Variants in CDH12 observed in about 807,000 individuals in gnomAD.
CDH12 encodes cadherin-12.
CDH12 carries 41 observed loss-of-function variants against 74.1 expected under a neutral mutation model. That is an observed-to-expected ratio of 0.55 (90% CI 0.43 to 0.72). CDH12 has a LOEUF of 0.72. CDH12 is among the 30% of genes least tolerant of loss of function. The pLI is 0.00. For synonymous variants in CDH12, 399 were observed against 355.0 expected (o/e 1.12, Z -1.39); for missense variants, 945 against 977.2 (o/e 0.97, Z 0.44).
intron 1 of CDH12, among the ~76,000 whole-genome samples, chr5:22,520,988 T>C (rs1031938845): frequency 2.1e-5 from 3 of 144,960 alleles, no homozygotes; most frequent in Non-Finnish European, 4.5e-5. Flanking sequence ...TCTTTCTTTC[T>C]TTCTTTTTTT....
intron 2 of CDH12, among the ~76,000 whole-genome samples, chr5:22,414,548 T>C (rs1429263854): frequency 6.6e-6 from 1 of 151,944 alleles, no homozygotes; most frequent in Admixed American, 6.6e-5. Flanking sequence ...TGGGGTAGGG[T>C]TGAAATGTAA....
At chr5:21,958,619 T>C (rs1405585358) in intron 6 of CDH12, among the ~76,000 whole-genome samples, 1 of 152,140 alleles carries the variant, frequency 6.6e-6, no homozygotes, top group Non-Finnish European at 1.5e-5. Context: ...TGTGGCTTTA[T>C]TTCTGGGTTC....
At chr5:22,776,157 A>G (rs1262161009) in intron 1 of CDH12, among the ~76,000 whole-genome samples, 1 of 152,172 alleles carries the variant, frequency 6.6e-6, no homozygotes, top group Non-Finnish European at 1.5e-5. Context: ...AACGGTCAGC[A>G]TGTACATGGA....
chr5:22,458,076 C>T (rs1745357428), intron 2 of CDH12, among the ~76,000 whole-genome samples: 1 of 151,958 alleles, frequency 6.6e-6, no homozygotes, highest in Non-Finnish European at 1.5e-5. Flanking sequence ...GATGGGGTTT[C>T]ACCATATTGG....
intron 1 of CDH12, among the ~76,000 whole-genome samples, chr5:22,616,251 T>C (rs1202487930): frequency 1.3e-5 from 2 of 152,126 alleles, no homozygotes; most frequent in Admixed American, 6.6e-5. Flanking sequence ...ATGTAATCTG[T>C]AATTCTCAAT....
chr5:22,455,805 C>A (rs1561417492), intron 2 of CDH12, among the ~76,000 whole-genome samples: 2 of 152,038 alleles, frequency 1.3e-5, no homozygotes, highest in Non-Finnish European at 2.9e-5. Context: ...TCTACAGAGA[C>A]AGGAAGAAAG....
intron 3 of CDH12, among the ~76,000 whole-genome samples, chr5:22,304,859 C>T (rs1174853374): frequency 2.0e-5 from 3 of 152,120 alleles, no homozygotes; most frequent in Non-Finnish European, 4.4e-5. Flanking sequence ...AAGAAAATAG[C>T]TTGACATAAG....
At chr5:22,484,882 A>G (rs1042672005) in intron 2 of CDH12, among the ~76,000 whole-genome samples, 23 of 152,132 alleles carry the variant, frequency 1.5e-4, no homozygotes, top group African/African-American at 5.6e-4. Context: ...CAATAACAAC[A>G]TATTATATAT....
At chr5:21,863,720 A>G (rs1751175376) in intron 6 of CDH12, among the ~76,000 whole-genome samples, 1 of 152,162 alleles carries the variant, frequency 6.6e-6, no homozygotes, top group African/African-American at 2.4e-5. Flanking sequence ...TTTAGAGAGT[A>G]CAACCAAAAG....
chr5:22,401,485 T>C (rs2126448470), intron 3 of CDH12, among the ~76,000 whole-genome samples: 1 of 152,320 alleles, frequency 6.6e-6, no homozygotes, highest in Admixed American at 6.5e-5. Flanking sequence ...TTTCATAATA[T>C]TTTGTTACAT....
chr5:22,656,141 A>C (rs1740021128), intron 1 of CDH12, among the ~76,000 whole-genome samples: 1 of 151,980 alleles, frequency 6.6e-6, no homozygotes, highest in South Asian at 2.1e-4. Context: ...GCTCTTTTAG[A>C]TTTTATGGAT....
chr5:22,295,433 C>T (rs1737577780), intron 3 of CDH12, among the ~76,000 whole-genome samples: 1 of 152,068 alleles, frequency 6.6e-6, no homozygotes, highest in African/African-American at 2.4e-5. Flanking sequence ...ATTGCTATAA[C>T]ATTTTTTGGA....
At chr5:22,043,924 A>T (rs1214301521) in intron 5 of CDH12, among the ~76,000 whole-genome samples, 1 of 152,186 alleles carries the variant, frequency 6.6e-6, no homozygotes, top group Non-Finnish European at 1.5e-5. Context: ...AACTCTGATG[A>T]AAGACATTCA....
In CDH12 at chr5:21,902,308, G is replaced by GTA. The variant is rs200572916; in HGVS notation, c.527-47520_527-47519dup. On this transcript the variant is annotated intron_variant, in intron 6 of 14. Coordinates refer to ENST00000382254, the MANE Select transcript of CDH12 (RefSeq NM_004061.5). ...ATTATATGTATATATGTATATATGT[G>GTA]TATATATATATATCTCCCTCGCTAT... 1.4e-3 allele frequency among the ~76,000 whole-genome samples: 214 copies of GTA among 149,894 alleles called. 1 individual carries two copies. The highest frequency in any genetic ancestry group is 2.1e-3 in the Non-Finnish European group (142 of 67,518).
At chr5:21,915,132 T>C (rs1754028914) in intron 6 of CDH12, among the ~76,000 whole-genome samples, 1 of 152,166 alleles carries the variant, frequency 6.6e-6, no homozygotes, top group Non-Finnish European at 1.5e-5. Context: ...CTGAGAGATT[T>C]TCAGCAAAAA....
chr5:22,188,015 G>A (rs1750065324), intron 4 of CDH12, among the ~76,000 whole-genome samples: 1 of 151,642 alleles, frequency 6.6e-6, no homozygotes, highest in Non-Finnish European at 1.5e-5. Context: ...CCCTATAGCA[G>A]GAAGGGCAGT....
At chr5:22,583,988 T>C (rs1198713416) in intron 1 of CDH12, among the ~76,000 whole-genome samples, 1 of 152,112 alleles carries the variant, frequency 6.6e-6, no homozygotes, top group Non-Finnish European at 1.5e-5. Flanking sequence ...TTTTTCCCCC[T>C]GGTTCTGCAC....
chr5:22,661,645 T>A (rs181938601), intron 1 of CDH12, among the ~76,000 whole-genome samples: 127 of 152,302 alleles, frequency 8.3e-4, no homozygotes, highest in African/African-American at 3.0e-3. Context: ...GATTTTGCTT[T>A]ACATATGCCC....
At chr5:21,887,659 T>C (rs1752699492) in intron 6 of CDH12, among the ~76,000 whole-genome samples, 1 of 152,178 alleles carries the variant, frequency 6.6e-6, no homozygotes, top group African/African-American at 2.4e-5. Context: ...TTGTATAACA[T>C]GATTCACACC....
Sources: gnomAD v4.1 joint callset for allele counts (sites outside exome capture counted in the v4.1 genomes callset) on GRCh38, gnomAD v4.1.1 for gene constraint, MANE v1.5 for transcripts, NCBI Gene and HGNC (gene_info 2026-07-23, HGNC 2026-07-21) for gene names.